PEX14: variants seen among roughly 807,000 people sequenced by gnomAD.
The protein encoded by PEX14 is peroxisomal membrane protein PEX14.
In PEX14, 15 loss-of-function variants were observed where a neutral mutation model predicts 49.5. That is an observed-to-expected ratio of 0.30 (90% CI 0.20 to 0.47). The LOEUF is 0.47. Among genes scored for constraint, PEX14 ranks in the 20% least tolerant of loss-of-function variants. PEX14 has a pLI of 1.00. For synonymous variants in PEX14, 210 were observed against 212.7 expected (o/e 0.99, Z 0.11); for missense variants, 398 against 494.8 (o/e 0.80, Z 1.86).
At chr1:10,488,138 T>G (rs1641404669) in intron 1 of PEX14, among the ~76,000 whole-genome samples, 1 of 152,296 alleles carries the variant, frequency 6.6e-6, no homozygotes, top group Admixed American at 6.5e-5. Flanking sequence ...AAAATAGATG[T>G]GAGGATATTA....
rs1283396816 is a variant in PEX14, at chr1:10,624,441, C to T, written c.585+4C>T. On this transcript the variant is annotated splice_donor_region_variant and intron_variant, in intron 7 of 8. Transcript: ENST00000356607. Reference sequence around the variant, plus strand: ...CCACGAGCTGGCCGCTGCCAAGGTACCTGTCTCTGCTGCACAGGGCCCTCC... The same window carrying T: ...CCACGAGCTGGCCGCTGCCAAGGTATCTGTCTCTGCTGCACAGGGCCCTCC... 4 of 1,593,542 alleles carry T rather than the reference C, an allele frequency of 2.5e-6. No individual in the cohort carries two copies. The highest frequency in any genetic ancestry group is 2.6e-6 in the Non-Finnish European group (3 of 1,161,972).
intron 3 of PEX14, among the ~76,000 whole-genome samples, chr1:10,537,879 G>C (rs928877148): frequency 5.3e-5 from 8 of 152,078 alleles, no homozygotes; most frequent in African/African-American, 1.9e-4. Flanking sequence ...AGAAACTCTG[G>C]ACCAAATAAT....
chr1:10,625,574 T>A (rs1392857240), intron 7 of PEX14, among the ~76,000 whole-genome samples: 1 of 152,214 alleles, frequency 6.6e-6, no homozygotes, highest in African/African-American at 2.4e-5. Context: ...AGGTGCCACC[T>A]GCTCTTCCTC....
At chr1:10,528,296 G>A (rs1481487418) in intron 2 of PEX14, 1 of 983,580 alleles carries the variant, frequency 1.0e-6, no homozygotes, top group Non-Finnish European at 1.2e-6. Context: ...CCATCTGGCC[G>A]AACTTCAAAA....
At chr1:10,531,956 C>T (rs1638662068) in intron 2 of PEX14, among the ~76,000 whole-genome samples, 1 of 152,208 alleles carries the variant, frequency 6.6e-6, no homozygotes, top group Admixed American at 6.5e-5. Flanking sequence ...TAGGAAGCAT[C>T]TCTTTGGTGA....
At chr1:10,610,372 T>TACACAC (rs996925845) in intron 4 of PEX14, among the ~76,000 whole-genome samples, 33 of 129,082 alleles carry the variant, frequency 2.6e-4, no homozygotes, top group Non-Finnish European at 4.1e-4. Context: ...TATATATATA[T>TACACAC]ACACACACAC....
chr1:10,560,628 C>G (rs1639624573), intron 3 of PEX14, among the ~76,000 whole-genome samples: 1 of 151,898 alleles, frequency 6.6e-6, no homozygotes, highest in Non-Finnish European at 1.5e-5. Context: ...GCCTCAACCT[C>G]CCAAAGTGTT....
chr1:10,551,744 C>A (rs867198036), intron 3 of PEX14, among the ~76,000 whole-genome samples: 7 of 152,140 alleles, frequency 4.6e-5, no homozygotes, highest in Non-Finnish European at 1.0e-4. Flanking sequence ...AGCTCTACTT[C>A]CCTTCCAACC....
intron 3 of PEX14, among the ~76,000 whole-genome samples, chr1:10,596,587 C>A (rs1640839169): frequency 6.6e-6 from 1 of 152,036 alleles, no homozygotes; most frequent in African/African-American, 2.4e-5. Context: ...AGTGGAGAGT[C>A]ACTGGGCTGA....
chr1:10,500,604 T>C (rs928042023), intron 2 of PEX14, among the ~76,000 whole-genome samples: 2 of 152,160 alleles, frequency 1.3e-5, no homozygotes, highest in Admixed American at 6.6e-5. Context: ...AAGCGGTGTC[T>C]CGCTGTGTCA....
chr1:10,563,916 A>AT (rs1639728663), intron 3 of PEX14, among the ~76,000 whole-genome samples: 1 of 50,842 alleles, frequency 2.0e-5, no homozygotes, highest in Admixed American at 2.9e-4. Flanking sequence ...GTCTCAAAAA[A>AT]GAAAAAAAAA....
At chr1:10,620,377 G>A (rs537198963) in intron 5 of PEX14, among the ~76,000 whole-genome samples, 1 of 152,246 alleles carries the variant, frequency 6.6e-6, no homozygotes, top group Non-Finnish European at 1.5e-5. Flanking sequence ...AGCTATACTC[G>A]GGAGGCTGAG....
chr1:10,489,049 C>T (rs1276875604), intron 1 of PEX14, among the ~76,000 whole-genome samples: 6 of 152,262 alleles, frequency 3.9e-5, no homozygotes, highest in African/African-American at 1.2e-4. Flanking sequence ...GGCGCGATCT[C>T]GGCTCACCGC....
intron 4 of PEX14, among the ~76,000 whole-genome samples, chr1:10,600,725 A>T (rs1003097611): frequency 6.6e-6 from 1 of 152,154 alleles, no homozygotes; most frequent in Non-Finnish European, 1.5e-5. Context: ...CTCAAAAAAA[A>T]TAAAATAAAA....
Position 10,524,432 on chromosome 1 carries a change from G to C in PEX14, c.85-11781G>C, listed in dbSNP as rs1638402329. 4 of 962,794 alleles carry C rather than the reference G, an allele frequency of 4.2e-6. No homozygotes were observed. The African/African-American group carries it at 7.0e-5, about 17-fold the overall frequency. The allele number at this position is 962,794 out of a possible 1,614,324, so 59.6% of individuals were successfully genotyped here. A position where few individuals can be genotyped will look rare whatever the true frequency, so the allele number is the denominator to read the frequency against. ...CAGAGCTGGGAAGAATTTGAAAGGA[G>C]TTACCATTGATTTAAAGGAGGAAGA... On this transcript the variant is annotated intron_variant, in intron 2 of 8. Coordinates refer to ENST00000356607, the MANE Select transcript of PEX14 (RefSeq NM_004565.3).
At chr1:10,577,791 G>A (rs1192654117) in intron 3 of PEX14, among the ~76,000 whole-genome samples, 1 of 149,152 alleles carries the variant, frequency 6.7e-6, no homozygotes, top group Non-Finnish European at 1.5e-5. Flanking sequence ...TTTTAGTAGA[G>A]ACGGTTTCAC....
At chr1:10,548,620 G>A (rs917413912) in intron 3 of PEX14, among the ~76,000 whole-genome samples, 1 of 152,096 alleles carries the variant, frequency 6.6e-6, no homozygotes, top group Non-Finnish European at 1.5e-5. Flanking sequence ...GTATGAATAC[G>A]GAGTATTCTT....
intron 2 of PEX14, chr1:10,517,202 GCTTTCTCTTCC>G (rs1369921384): frequency 7.9e-6 from 1 of 126,104 alleles, no homozygotes; most frequent in African/African-American, 2.6e-5. Flanking sequence ...CAGCAAAGCT[GCTTTCTCTTCC>G]CTTAAGTTCC....
chr1:10,596,873 C>G (rs1281848783), intron 3 of PEX14, among the ~76,000 whole-genome samples: 1 of 152,234 alleles, frequency 6.6e-6, no homozygotes, highest in Non-Finnish European at 1.5e-5. Flanking sequence ...TTTTGAGCCT[C>G]AAATGATAAC....
Sources: gnomAD v4.1 joint callset for allele counts (sites outside exome capture counted in the v4.1 genomes callset) on GRCh38, gnomAD v4.1.1 for gene constraint, MANE v1.5 for transcripts, NCBI Gene and HGNC (gene_info 2026-07-23, HGNC 2026-07-21) for gene names.